TTC3: variants seen among roughly 807,000 people sequenced by gnomAD.
TTC3 encodes E3 ubiquitin-protein ligase TTC3.
A neutral mutation model predicts 249.6 loss-of-function variants in TTC3; 180 were observed. The ratio of observed to expected loss-of-function variants is 0.72; its 90% confidence interval spans 0.64 to 0.82. TTC3 has a LOEUF of 0.82. TTC3 is among the 40% of genes least tolerant of loss of function. TTC3 has a pLI of 0.00. For missense variants in TTC3, 2,061 were observed against 2,398.4 expected, an observed-to-expected ratio of 0.86 and a Z score of 2.94; for synonymous variants, 717 against 805.0, an observed-to-expected ratio of 0.89 and a Z score of 1.85.
chr21:37,195,642 T>C (rs903707989), intron 41 of TTC3, 33 bp from the exon 42 acceptor site: 3 of 1,561,538 alleles, frequency 1.9e-6, no homozygotes, highest in Non-Finnish European at 2.6e-6. Context: ...AGGGAAGCCC[T>C]AAGTGATCCA....
At chr21:37,103,623 G>A (rs989837525) in intron 10 of TTC3, among the ~76,000 whole-genome samples, 4 of 151,970 alleles carry the variant, frequency 2.6e-5, no homozygotes, top group South Asian at 4.1e-4. Flanking sequence ...CTATTATAAC[G>A]CTGTTTGTAG....
intron 20 of TTC3, among the ~76,000 whole-genome samples, chr21:37,142,133 C>G (rs1601738167): frequency 6.6e-6 from 1 of 152,196 alleles, no homozygotes; most frequent in East Asian, 1.9e-4. Context: ...GACAAACCCA[C>G]AGCCAGTATC....
At position 37,106,974 on chromosome 21, in the gene TTC3, G is replaced by A. The variant is rs746285011; in HGVS notation, c.846-1418G>A. 7.9e-5 allele frequency among the ~76,000 whole-genome samples: 12 copies of A among 152,000 alleles called. No individual in the cohort carries two copies. In the East Asian group the frequency reaches 1.5e-3, roughly 20 times the overall value. ...AAAGAGTATATTTTCTCCATGTACC[G>A]CAGTATCACCTTTGTCACGAATCAG... On this transcript the variant is annotated intron_variant, in intron 10 of 45. Coordinates refer to ENST00000355666, the Ensembl canonical transcript of TTC3.
At chr21:37,101,911 A>G (rs1384178143) in intron 10 of TTC3, among the ~76,000 whole-genome samples, 2 of 116,718 alleles carry the variant, frequency 1.7e-5, no homozygotes, top group Non-Finnish European at 4.0e-5. Flanking sequence ...TTATATTAGT[A>G]TATAGTTTAT....
intron 31 of TTC3, among the ~76,000 whole-genome samples, chr21:37,163,360 CTT>C (rs2080949720): frequency 6.6e-6 from 1 of 152,088 alleles, no homozygotes; most frequent in Non-Finnish European, 1.5e-5. Flanking sequence ...TTAAAAAAAA[CTT>C]TTGTTTAGAT....
chr21:37,139,561 C>T (rs2078247058), intron 19 of TTC3, among the ~76,000 whole-genome samples: 1 of 152,062 alleles, frequency 6.6e-6, no homozygotes, highest in Admixed American at 6.6e-5. Flanking sequence ...TAGTCTTTTA[C>T]GTTCTGTTCT....
intron 26 of TTC3, among the ~76,000 whole-genome samples, chr21:37,152,379 G>GTTTTTTTTTTTTTTTTTTTTTT (rs5843795): frequency 7.2e-6 from 1 of 139,298 alleles, no homozygotes; most frequent in Non-Finnish European, 1.5e-5. Context: ...GAACTAAGTT[G>GTTTTTTTTTTTTTTTTTTTTTT]TTTTTTTTTT....
At chr21:37,088,711 A>G (rs1040251628) in intron 4 of TTC3, 88 bp from the exon 5 acceptor site, 4 of 1,192,454 alleles carry the variant, frequency 3.4e-6, no homozygotes, top group Non-Finnish European at 4.7e-6. Flanking sequence ...TTATTTTTTA[A>G]TGGTTTGAGA....
intron 10 of TTC3, chr21:37,101,088 A>T (rs1000475990): frequency 6.6e-6 from 1 of 152,200 alleles, no homozygotes; most frequent in Admixed American, 6.5e-5. Flanking sequence ...TTAATTGGAG[A>T]AAGTGAATGC....
intron 10 of TTC3, among the ~76,000 whole-genome samples, chr21:37,106,612 C>A (rs116453930): frequency 5.3e-5 from 8 of 152,116 alleles, no homozygotes; most frequent in Admixed American, 2.6e-4. Context: ...GGGCCAGGTG[C>A]GGTGGCTCAT....
In TTC3 at chr21:37,148,681, T is replaced by C. The variant is rs1484902909; in HGVS notation, c.2118+34T>C. On this transcript the variant is annotated intron_variant, in intron 23 of 45. Transcript: ENST00000355666. ...TAACAGGATTGTCTGAATTTTTCAG[T>C]ATACTTATTGTATGTCAATTTTTCC... 2.8e-6 allele frequency: 4 copies of C among 1,444,688 alleles called. No homozygotes were observed. The African/African-American group carries it at 5.8e-5, about 21-fold the overall frequency. The allele number at this position is 1,444,688 out of a possible 1,614,324, so 89.5% of individuals were successfully genotyped here. A position where few individuals can be genotyped will look rare whatever the true frequency, so the allele number is the denominator to read the frequency against.
At chr21:37,152,098 T>C in intron 26 of TTC3, 69 bp downstream of exon 26, 1 of 1,414,818 alleles carries the variant, frequency 7.1e-7, no homozygotes, top group Non-Finnish European at 9.3e-7. Context: ...TAAGCATCTT[T>C]TGGGCCTTAT....
chr21:37,083,764 G>T (rs2072028636), intron 1 of TTC3: 1 of 152,176 alleles, frequency 6.6e-6, no homozygotes, highest in African/African-American at 2.4e-5. Flanking sequence ...GGGACATCTT[G>T]GTTAAGATCC....
chr21:37,158,092 A>C, intron 28 of TTC3: 1 of 984,462 alleles, frequency 1.0e-6, no homozygotes, highest in Non-Finnish European at 1.2e-6. Flanking sequence ...AGTTCTTAGA[A>C]AAGAGCACAC....
At chr21:37,088,976 C>T in intron 5 of TTC3, 90 bp downstream of exon 5, 4 of 1,133,710 alleles carry the variant, frequency 3.5e-6, no homozygotes, top group African/African-American at 1.6e-5. Context: ...TAATTTATAG[C>T]AATTAACAGG....
At chr21:37,114,947 C>T (rs1424279892) in intron 11 of TTC3, among the ~76,000 whole-genome samples, 1 of 151,926 alleles carries the variant, frequency 6.6e-6, no homozygotes, top group Non-Finnish European at 1.5e-5. Context: ...AAACCAAACA[C>T]CGCATGTTCT....
intron 18 of TTC3, 136 bp downstream of exon 18, chr21:37,135,650 T>C (rs539039401): frequency 2.1e-4 from 223 of 1,058,678 alleles, no homozygotes; most frequent in Non-Finnish European, 2.7e-4. Context: ...CTTCAGGTTA[T>C]GGGAAGCAGG....
intron 1 of TTC3, chr21:37,073,384 G>T (rs2070302872): frequency 1.0e-6 from 1 of 984,074 alleles, no homozygotes. Context: ...CACCCGGCGC[G>T]CTGCCGGGCT....
chr21:37,075,460 G>GTCTTCAATTTAA (rs2070722902), intron 1 of TTC3, among the ~76,000 whole-genome samples: 1 of 152,210 alleles, frequency 6.6e-6, no homozygotes, highest in Non-Finnish European at 1.5e-5. Flanking sequence ...GGCTATGTGC[G>GTCTTCAATTTAA]TCTTCAATTT....
Sources: gnomAD v4.1 joint callset for allele counts (sites outside exome capture counted in the v4.1 genomes callset) on GRCh38, gnomAD v4.1.1 for gene constraint, MANE v1.5 for transcripts, NCBI Gene and HGNC (gene_info 2026-07-23, HGNC 2026-07-21) for gene names.